Variants in CRACR2A observed in about 807,000 individuals in gnomAD.
CRACR2A encodes EF-hand calcium-binding domain-containing protein 4B.
Under a neutral mutation model 90.5 loss-of-function variants are expected in CRACR2A, and 79 were observed. That is an observed-to-expected ratio of 0.87 (90% CI 0.73 to 1.05). CRACR2A has a LOEUF of 1.05. CRACR2A is among the 50% of genes least tolerant of loss of function. The pLI is 0.00. For synonymous variants in CRACR2A, 338 were observed against 356.7 expected, an observed-to-expected ratio of 0.95 and a Z score of 0.59; for missense variants, 823 against 897.2, an observed-to-expected ratio of 0.92 and a Z score of 1.06.
intron 1 of CRACR2A, among the ~76,000 whole-genome samples, chr12:3,736,014 T>G (rs1452535006): frequency 1.3e-5 from 2 of 151,952 alleles, no homozygotes; most frequent in African/African-American, 4.8e-5. Context: ...AAGAAGCCCA[T>G]CAGGAGGGTG....
intron 17 of CRACR2A, among the ~76,000 whole-genome samples, chr12:3,626,060 T>A (rs891581319): frequency 2.0e-5 from 3 of 152,226 alleles, no homozygotes; most frequent in Non-Finnish European, 4.4e-5. Context: ...TTGCATTTTC[T>A]CATTTGTAAG....
At position 3,685,090 on chromosome 12, in the gene CRACR2A, C is replaced by A. The variant is rs73049144; in HGVS notation, c.229-4741G>T. Among the ~76,000 whole-genome samples, 184 of 152,334 alleles carry A rather than the reference C, an allele frequency of 1.2e-3. 1 individual carries two copies. Among genetic ancestry groups the A allele is most frequent in the Non-Finnish European group, 2.1e-3 (142 of 68,038 alleles). On this transcript the variant is annotated intron_variant, in intron 4 of 19. Coordinates refer to ENST00000440314, the MANE Select transcript of CRACR2A (RefSeq NM_001144958.2). Reference sequence around the variant, plus strand: ...GACCTCAGCATGGGCTGGAACCTATCCCCAAGCATGACAATTGGTGTAGTT... The same window carrying A: ...GACCTCAGCATGGGCTGGAACCTATACCCAAGCATGACAATTGGTGTAGTT...
At chr12:3,742,623 T>C (rs1251070520) in intron 1 of CRACR2A, among the ~76,000 whole-genome samples, 1 of 152,200 alleles carries the variant, frequency 6.6e-6, no homozygotes, top group East Asian at 1.9e-4. Context: ...CTTACAAATA[T>C]TGGTAGGCAC....
Position 3,649,061 on chromosome 12 carries a change from C to T in CRACR2A, c.1047-448G>A, listed in dbSNP as rs192464261. 4.6e-5 allele frequency among the ~76,000 whole-genome samples: 7 copies of T among 151,788 alleles called. No homozygotes were observed. The East Asian group carries it at 1.4e-3, about 30-fold the overall frequency. On this transcript the variant is annotated intron_variant, in intron 10 of 19. Transcript: ENST00000440314. ...AACACGGACACAGGAAGGGGAACAT[C>T]ACACACCAGGGACTGTTGTGGGGTG...
intron 3 of CRACR2A, among the ~76,000 whole-genome samples, chr12:3,705,733 A>G (rs1016569057): frequency 6.6e-6 from 1 of 152,230 alleles, no homozygotes; most frequent in Non-Finnish European, 1.5e-5. Context: ...ATCTGATGTG[A>G]GTGCCGTCTT....
Position 3,696,767 on chromosome 12 carries a change from C to T in CRACR2A, c.228+5G>A. ...GTGGGCAGGCCTACCTGGGACCCCA[C>T]TTACCTGCATATCCTTCCTGGCGAT... On this transcript the variant is annotated splice_donor_5th_base_variant and intron_variant, in intron 4 of 19. Coordinates refer to ENST00000440314, the MANE Select transcript of CRACR2A (RefSeq NM_001144958.2). 6.2e-7 allele frequency: 1 copy of T among 1,614,202 alleles called. No individual in the cohort carries two copies.
At chr12:3,675,121 A>G (rs552594238) in intron 6 of CRACR2A, among the ~76,000 whole-genome samples, 1 of 152,292 alleles carries the variant, frequency 6.6e-6, no homozygotes, top group East Asian at 1.9e-4. Flanking sequence ...CACCTTGACA[A>G]TCTGCCACCA....
At chr12:3,737,837 T>C (rs1420740071) in intron 1 of CRACR2A, among the ~76,000 whole-genome samples, 5 of 152,234 alleles carry the variant, frequency 3.3e-5, no homozygotes, top group African/African-American at 7.2e-5. Context: ...CTGGCTTTTG[T>C]AGGGCTCAGA....
At chr12:3,732,897 C>T (rs889614445) in intron 2 of CRACR2A, 45 bp downstream of exon 2, 5 of 152,230 alleles carry the variant, frequency 3.3e-5, no homozygotes, top group Non-Finnish European at 7.3e-5. Flanking sequence ...TTCTCACAGG[C>T]GGCTGCTCCC....
chr12:3,739,121 G>C (rs925336679), intron 1 of CRACR2A, among the ~76,000 whole-genome samples: 39 of 151,732 alleles, frequency 2.6e-4, no homozygotes, highest in African/African-American at 8.2e-4. Flanking sequence ...GAAAAAGACA[G>C]AATCTAGGTG....
chr12:3,747,559 G>A (rs960582538), intron 1 of CRACR2A, among the ~76,000 whole-genome samples: 2 of 152,260 alleles, frequency 1.3e-5, no homozygotes, highest in South Asian at 2.1e-4. Context: ...TACAAATCCT[G>A]GACCTCAATG....
intron 7 of CRACR2A, among the ~76,000 whole-genome samples, chr12:3,664,822 C>T (rs1470925266): frequency 6.6e-6 from 1 of 152,226 alleles, no homozygotes; most frequent in Non-Finnish European, 1.5e-5. Context: ...GCCTGACCAA[C>T]ATGGCGAAAT....
intron 2 of CRACR2A, among the ~76,000 whole-genome samples, chr12:3,718,794 T>G (rs900124207): frequency 2.8e-4 from 42 of 152,212 alleles, no homozygotes; most frequent in African/African-American, 1.0e-3. Context: ...GTAAGCTCCA[T>G]GAAGGCAGGT....
intron 14 of CRACR2A, among the ~76,000 whole-genome samples, chr12:3,636,630 C>T (rs572669337): frequency 6.6e-6 from 1 of 152,364 alleles, no homozygotes; most frequent in East Asian, 1.9e-4. Context: ...CCTCTTCTTT[C>T]ACATTTTACG....
intron 2 of CRACR2A, chr12:3,729,468 G>A (rs1946326308): frequency 6.6e-6 from 1 of 152,214 alleles, no homozygotes; most frequent in South Asian, 2.1e-4. Flanking sequence ...ACTTTGGGAG[G>A]ACGAGGCAGG....
intron 3 of CRACR2A, among the ~76,000 whole-genome samples, chr12:3,697,936 T>C (rs192063099): frequency 7.2e-5 from 11 of 152,242 alleles, no homozygotes; most frequent in East Asian, 3.9e-4. Flanking sequence ...GAAGAGGGCA[T>C]ACGGAAACCT....
intron 3 of CRACR2A, among the ~76,000 whole-genome samples, chr12:3,710,301 C>T (rs897289210): frequency 7.9e-5 from 12 of 152,142 alleles, no homozygotes; most frequent in African/African-American, 2.9e-4. Flanking sequence ...TAAGTCTTAC[C>T]AGTATTTAAT....
chr12:3,619,652 T>C lies in CRACR2A; in HGVS notation c.1933-280A>G, dbSNP rs113475220. On this transcript the variant is annotated intron_variant, in intron 17 of 19. Transcript: ENST00000440314. ...CCCCTTCACGATGCTCCTTGGATCT[T>C]AGATGGAACAGCAGGCCCCCCAAGG... Among the ~76,000 whole-genome samples, 719 of 152,300 alleles carry C rather than the reference T, an allele frequency of 4.7e-3. 6 individuals are homozygous for C. Among genetic ancestry groups the C allele is most frequent in the African/African-American group, 0.016 (664 of 41,568 alleles).
At chr12:3,615,514 C>A (rs764610600) in intron 19 of CRACR2A, 75 bp from the exon 20 acceptor site, 11 of 1,288,246 alleles carry the variant, frequency 8.5e-6, no homozygotes, top group African/African-American at 5.9e-5. Context: ...GGACAAGCTA[C>A]CCTCAGGTTA....
Sources: gnomAD v4.1 joint callset for allele counts (sites outside exome capture counted in the v4.1 genomes callset) on GRCh38, gnomAD v4.1.1 for gene constraint, MANE v1.5 for transcripts, NCBI Gene and HGNC (gene_info 2026-07-23, HGNC 2026-07-21) for gene names.